Variants in RNF168 observed in about 807,000 individuals in gnomAD.
RNF168 encodes the protein E3 ubiquitin-protein ligase RNF168.
In RNF168, 34 loss-of-function variants were observed where a neutral mutation model predicts 34.9. That is an observed-to-expected ratio of 0.97 (90% confidence interval 0.74 to 1.30). The LOEUF (loss-of-function observed/expected upper bound fraction) is 1.30. Ranked by LOEUF, RNF168 falls within the 50% of genes most tolerant of loss-of-function variation. The pLI, the probability that RNF168 is intolerant of heterozygous loss-of-function variation, is 0.00. For missense variants in RNF168, 725 were observed against 682.5 expected (o/e 1.06, Z -0.69); for synonymous variants, 264 against 254.7 (o/e 1.04, Z -0.35).
In RNF168 at chr3:196,469,339, G is replaced by A. The variant is rs990470953; in HGVS notation, c.*2480C>T. 1 of 152,082 alleles carries A rather than the reference G, an allele frequency of 6.6e-6. No homozygotes were observed. Among genetic ancestry groups the A allele is most frequent in the Non-Finnish European group, 1.5e-5 (1 of 68,014 alleles). 9.4% of individuals were successfully genotyped at this position (152,082 alleles called of 1,614,324 possible). On this transcript the variant is annotated 3_prime_UTR_variant, in exon 6 of 6. Transcript: ENST00000318037. Reference sequence around the variant, plus strand: ...ATTTAACTACAATCATTACTCAGAGGACAATCACCTTAAGAGGCAAATTAA... The same window carrying A: ...ATTTAACTACAATCATTACTCAGAGAACAATCACCTTAAGAGGCAAATTAA...
intron 4 of RNF168, among the ~76,000 whole-genome samples, chr3:196,481,982 T>C (rs896237235): frequency 2.4e-4 from 35 of 143,390 alleles, no homozygotes; most frequent in South Asian, 1.1e-3. Flanking sequence ...TTTTTTTTTT[T>C]AGAGACAGGA....
chr3:196,477,437 T>G (rs1560267964), intron 4 of RNF168, among the ~76,000 whole-genome samples: 1 of 152,232 alleles, frequency 6.6e-6, no homozygotes, highest in Non-Finnish European at 1.5e-5. Flanking sequence ...AAAGAACTAA[T>G]GAATATTCCT....
chr3:196,490,026 G>C (rs996356284), intron 1 of RNF168, among the ~76,000 whole-genome samples: 2 of 152,210 alleles, frequency 1.3e-5, no homozygotes, highest in African/African-American at 4.8e-5. Context: ...ACAAAGGCCA[G>C]GTTTCCATCG....
Position 196,489,417 on chromosome 3 carries a change from C to T in RNF168, c.302-734G>A, listed in dbSNP as rs188765605. Among the ~76,000 whole-genome samples, 529 of 152,026 alleles carry T rather than the reference C, an allele frequency of 3.5e-3. 7 individuals are homozygous for T. Among genetic ancestry groups the T allele is most frequent in the Middle Eastern group, 0.02 (6 of 294 alleles). ...TCTCAGCTCACTGCAACCTCCGCCT[C>T]CCGGGTTCAAACAATTATTGTGCCT... On this transcript the variant is annotated intron_variant, in intron 1 of 5. Transcript: ENST00000318037.
At position 196,469,114 on chromosome 3, in the gene RNF168, A is replaced by G. The variant is rs1347467667; in HGVS notation, c.*2705T>C. The G allele has an allele frequency of 6.6e-6, 1 of 152,136 alleles. No homozygotes were observed. The highest frequency in any genetic ancestry group is 1.5e-5 in the Non-Finnish European group (1 of 68,010). The allele number at this position is 152,136 out of a possible 1,614,324, so 9.4% of individuals were successfully genotyped here. A position where few individuals can be genotyped will look rare whatever the true frequency, so the allele number is the denominator to read the frequency against. On this transcript the variant is annotated 3_prime_UTR_variant, in exon 6 of 6. Coordinates refer to ENST00000318037, the MANE Select transcript of RNF168 (RefSeq NM_152617.4). ...ATATATCACACCCTCCTTTTTGGTC[A>G]CAGACTATTCCAGGAAGATTAAATA... is the stretch of plus-strand genomic sequence containing the variant.
intron 2 of RNF168, among the ~76,000 whole-genome samples, chr3:196,487,814 G>A (rs1025140790): frequency 6.6e-6 from 1 of 152,074 alleles, no homozygotes; most frequent in African/African-American, 2.4e-5. Context: ...TGTATTACAA[G>A]TGAAAATTAT....
intron 4 of RNF168, among the ~76,000 whole-genome samples, chr3:196,481,805 C>T (rs1732298696): frequency 6.7e-6 from 1 of 149,196 alleles, no homozygotes; most frequent in Admixed American, 6.8e-5. Flanking sequence ...AGGCATGTGC[C>T]ACTGCATTTG....
chr3:196,488,719 C>T (rs1009232382), intron 1 of RNF168, 36 bp from the exon 2 acceptor site: 12 of 1,356,894 alleles, frequency 8.8e-6, no homozygotes, highest in Admixed American at 8.5e-5. Flanking sequence ...ACATTATAGG[C>T]AACACAATTT....
In RNF168 at chr3:196,503,596, C is replaced by G. The variant is rs1049085049; in HGVS notation, c.-423G>C. 5 of 232,698 alleles carry G rather than the reference C, an allele frequency of 2.1e-5. No homozygotes were observed. Among genetic ancestry groups the G allele is most frequent in the African/African-American group, 7.0e-5 (3 of 43,090 alleles). The allele number at this position is 232,698 out of a possible 1,614,324, so 14.4% of individuals were successfully genotyped here. A position where few individuals can be genotyped will look rare whatever the true frequency, so the allele number is the denominator to read the frequency against. ...CGGGACGCGGCTCCGGGAGGAAGCC[C>G]GGGCTCCGGCTGCAGCATAACTTCC... is the stretch of plus-strand genomic sequence containing the variant. On this transcript the variant is annotated 5_prime_UTR_variant, in exon 1 of 6. Transcript: ENST00000318037.
At chr3:196,481,110 C>CTA (rs1335483976) in intron 4 of RNF168, among the ~76,000 whole-genome samples, 2 of 152,150 alleles carry the variant, frequency 1.3e-5, no homozygotes, top group Non-Finnish European at 2.9e-5. Flanking sequence ...TTTGGGTTTT[C>CTA]TACATAGATA....
At chr3:196,475,552 CTTTTTT>C (rs771089639) in intron 4 of RNF168, among the ~76,000 whole-genome samples, 2 of 133,452 alleles carry the variant, frequency 1.5e-5, no homozygotes, top group African/African-American at 2.9e-5. Context: ...AATATTTTTT[CTTTTTT>C]TTTTTTTTTT....
intron 4 of RNF168, 91 bp from the exon 5 acceptor site, chr3:196,475,403 G>T: frequency 1.3e-6 from 1 of 784,268 alleles, no homozygotes; most frequent in Non-Finnish European, 2.2e-6. Flanking sequence ...AAGGTTGTCT[G>T]GTTTGCTGCT....
chr3:196,489,332 G>GT (rs545716847), intron 1 of RNF168, among the ~76,000 whole-genome samples: 13,602 of 140,884 alleles, frequency 0.097, 1,792 homozygotes, highest in African/African-American at 0.3. Flanking sequence ...AAAAAAAAAT[G>GT]TTTTTTTTTT....
At position 196,503,167 on chromosome 3, in the gene RNF168, G is replaced by C. The variant is rs750787709; in HGVS notation, c.7C>G (p.Leu3Val). The C allele has an allele frequency of 3.7e-6, 6 of 1,613,778 alleles. No individual in the cohort carries two copies. The highest frequency in any genetic ancestry group is 4.5e-5 in the East Asian group (2 of 44,866). ...AGCGAGGGGATGGCGTCTTTGGGTA[G>C]AGCCATTTCAATATGTTAGTAAAGC... MA[L>V]PKDAIPSLSE... Residue 3 changes from leucine (L) to valine (V), a missense_variant, in exon 1 of 6, where the codon CTA becomes GTA. Physicochemically the swap from Leu to Val is conservative, Grantham distance 32. Coordinates refer to ENST00000318037, the MANE Select transcript of RNF168 (RefSeq NM_152617.4).
chr3:196,475,859 T>TC (rs1199598534), intron 4 of RNF168, among the ~76,000 whole-genome samples: 1 of 140,954 alleles, frequency 7.1e-6, no homozygotes, highest in Non-Finnish European at 1.5e-5. Flanking sequence ...TAAATATTTT[T>TC]TTTTCTTTTC....
chr3:196,480,338 T>C (rs374300503), intron 4 of RNF168, among the ~76,000 whole-genome samples: 7 of 152,322 alleles, frequency 4.6e-5, no homozygotes, highest in African/African-American at 7.2e-5. Flanking sequence ...AAAGAAATCA[T>C]TGGTTTGAAA....
At chr3:196,479,162 G>A (rs891485464) in intron 4 of RNF168, among the ~76,000 whole-genome samples, 5 of 150,714 alleles carry the variant, frequency 3.3e-5, no homozygotes, top group South Asian at 2.1e-4. Context: ...ACAGGTGCTC[G>A]CCACCACACC....
chr3:196,502,462 C>T (rs1365393658), intron 1 of RNF168, among the ~76,000 whole-genome samples: 3 of 151,944 alleles, frequency 2.0e-5, no homozygotes, highest in Admixed American at 1.3e-4. Context: ...ATGGTGCACG[C>T]GTGTAACCCC....
rs995506240 is a variant in RNF168, at chr3:196,469,474, T to A, written c.*2345A>T. On this transcript the variant is annotated 3_prime_UTR_variant, in exon 6 of 6. Transcript: ENST00000318037. ...TTACCAACCTTAGAGGAAAAAAACT[T>A]AATGACATACAGAAATACTGGCAAA... 1 of 152,144 alleles carries A rather than the reference T, an allele frequency of 6.6e-6. No individual in the cohort carries two copies. Among genetic ancestry groups the A allele is most frequent in the Non-Finnish European group, 1.5e-5 (1 of 68,018 alleles). 9.4% of individuals were successfully genotyped at this position (152,144 alleles called of 1,614,324 possible).
Sources: gnomAD v4.1 joint callset for allele counts (sites outside exome capture counted in the v4.1 genomes callset) on GRCh38, gnomAD v4.1.1 for gene constraint, MANE v1.5 for transcripts, NCBI Gene and HGNC (gene_info 2026-07-23, HGNC 2026-07-21) for gene names.